The following CNTNAP5 variants were observed in gnomAD, a reference collection of about 807,000 sequenced individuals.
CNTNAP5 encodes the protein contactin associated protein family member 5.
In CNTNAP5, 72 loss-of-function variants were observed where a neutral mutation model predicts 150.2. The ratio of observed to expected loss-of-function variants is 0.48; its 90% confidence interval spans 0.40 to 0.58. CNTNAP5 has a LOEUF of 0.58. CNTNAP5 is among the 20% of genes least tolerant of loss of function. The pLI, the probability that CNTNAP5 is intolerant of heterozygous loss-of-function variation, is 0.00. For synonymous variants in CNTNAP5, 672 were observed against 619.8 expected (o/e 1.08, Z -1.25); for missense variants, 1,636 against 1,626.2 (o/e 1.01, Z -0.10).
rs190103941 is a variant in CNTNAP5 at position 124,562,205 on chromosome 2, T to C, written c.1650-1012T>C. ...TCCCATTAGCCCAAGTCTAAAGATT[T>C]TTCCTTTCAACTATTTTTGAAGTTT... On this transcript the variant is annotated intron_variant, in intron 10 of 23. Coordinates refer to ENST00000682447, the MANE Select transcript of CNTNAP5 (RefSeq NM_001367498.1). Among the ~76,000 whole-genome samples, 467 of 152,372 alleles carry C rather than the reference T, an allele frequency of 3.1e-3. 2 individuals are homozygous for C. Among genetic ancestry groups the C allele is most frequent in the African/African-American group, 0.011 (449 of 41,596 alleles).
chr2:124,726,816 T>A (rs980507182), intron 13 of CNTNAP5, among the ~76,000 whole-genome samples: 5 of 152,068 alleles, frequency 3.3e-5, no homozygotes, highest in African/African-American at 1.2e-4. Context: ...TGATTTTTTT[T>A]AATTTAAGCA....
intron 1 of CNTNAP5, among the ~76,000 whole-genome samples, chr2:124,109,344 C>T (rs76001311): frequency 6.6e-6 from 1 of 152,058 alleles, no homozygotes; most frequent in Admixed American, 6.6e-5. Context: ...ATCCTGTACT[C>T]GAGGCGAGGC....
rs994347252 is a variant in CNTNAP5, at chr2:124,623,245, G to A, written c.1876+13325G>A. Among the ~76,000 whole-genome samples, 4 of 152,126 alleles carry A rather than the reference G, an allele frequency of 2.6e-5. No homozygotes were observed. In the South Asian group the frequency reaches 8.3e-4, roughly 31 times the overall value. On this transcript the variant is annotated intron_variant, in intron 12 of 23. Transcript: ENST00000682447. The stretch of plus-strand genomic sequence containing the variant: ...TGTCCTTGTGGGAAAAAATGCCCAT[G>A]TCTTCAGCTTTCCCCATCGTGATTC...
chr2:124,395,532 A>C (rs116443906), intron 3 of CNTNAP5, among the ~76,000 whole-genome samples: 1 of 152,008 alleles, frequency 6.6e-6, no homozygotes, highest in Non-Finnish European at 1.5e-5. Context: ...TATTTAATAA[A>C]GGAGTCAGTA....
At chr2:124,904,222 A>G (rs1174405706) in intron 22 of CNTNAP5, among the ~76,000 whole-genome samples, 2 of 152,034 alleles carry the variant, frequency 1.3e-5, no homozygotes, top group Non-Finnish European at 2.9e-5. Context: ...AAGTTATATC[A>G]TATAGTATTT....
rs1454140 is a variant in CNTNAP5 at position 124,682,724 on chromosome 2, G to C, written c.2077+34766G>C. Among the ~76,000 whole-genome samples the C allele has an allele frequency of 8.8e-3, 1,339 of 152,254 alleles. 41 individuals are homozygous for C. The South Asian group carries it at 0.12, about 14-fold the overall frequency. ...GCCTGTATTTATGTTGTTTTAGAGA[G>C]AGAGAGAATCTACCAGGTTCCTCAA... On this transcript the variant is annotated intron_variant, in intron 13 of 23. Transcript: ENST00000682447.
chr2:124,213,453 T>A (rs773377668), intron 1 of CNTNAP5, among the ~76,000 whole-genome samples: 7 of 152,282 alleles, frequency 4.6e-5, no homozygotes, highest in African/African-American at 1.7e-4. Flanking sequence ...AGGATAGAAC[T>A]TGTGTCTTTC....
chr2:124,620,013 C>G (rs1677578831), intron 12 of CNTNAP5, among the ~76,000 whole-genome samples: 1 of 150,494 alleles, frequency 6.6e-6, no homozygotes, highest in Admixed American at 6.7e-5. Flanking sequence ...ATTTGGGTGT[C>G]TCAAGATGGG....
At chr2:124,238,553 T>G (rs1436745988) in intron 2 of CNTNAP5, among the ~76,000 whole-genome samples, 2 of 152,222 alleles carry the variant, frequency 1.3e-5, no homozygotes, top group Non-Finnish European at 2.9e-5. Flanking sequence ...TGAGATTATT[T>G]TCTCTTTAAA....
intron 3 of CNTNAP5, among the ~76,000 whole-genome samples, chr2:124,244,317 G>A (rs967640318): frequency 2.0e-5 from 3 of 152,048 alleles, no homozygotes; most frequent in Admixed American, 6.6e-5. Flanking sequence ...CCCTGTGCCC[G>A]GTATCACTAG....
At chr2:124,517,070 G>A (rs1694735465) in intron 8 of CNTNAP5, among the ~76,000 whole-genome samples, 1 of 152,118 alleles carries the variant, frequency 6.6e-6, no homozygotes, top group Non-Finnish European at 1.5e-5. Context: ...TGATAGGGTT[G>A]TGCTGTTGGT....
chr2:124,415,483 C>CAAGGTT (rs1210004454), intron 3 of CNTNAP5, among the ~76,000 whole-genome samples: 1 of 152,118 alleles, frequency 6.6e-6, no homozygotes, highest in Non-Finnish European at 1.5e-5. Context: ...AAAATATAAT[C>CAAGGTT]AAGGTTAAGG....
chr2:124,809,666 G>A (rs1178316363), intron 19 of CNTNAP5, among the ~76,000 whole-genome samples: 1 of 151,984 alleles, frequency 6.6e-6, no homozygotes, highest in East Asian at 1.9e-4. Context: ...AGAAAGATGG[G>A]AGATAAAATC....
intron 1 of CNTNAP5, among the ~76,000 whole-genome samples, chr2:124,087,173 C>T (rs767362325): frequency 5.9e-5 from 9 of 151,786 alleles, no homozygotes; most frequent in South Asian, 2.1e-4. Flanking sequence ...GCACATTATA[C>T]GACATTACAA....
intron 13 of CNTNAP5, among the ~76,000 whole-genome samples, chr2:124,650,187 C>A (rs1364550345): frequency 6.6e-6 from 1 of 152,174 alleles, no homozygotes; most frequent in Non-Finnish European, 1.5e-5. Flanking sequence ...TAAAGGAGAA[C>A]AATGGGTATG....
chr2:124,282,261 C>G (rs1259385856), intron 3 of CNTNAP5, among the ~76,000 whole-genome samples: 1 of 152,118 alleles, frequency 6.6e-6, no homozygotes. Context: ...TACAACAAAC[C>G]TCGGTATACT....
intron 11 of CNTNAP5, among the ~76,000 whole-genome samples, chr2:124,579,965 C>G (rs1304249322): frequency 6.6e-6 from 1 of 152,242 alleles, no homozygotes; most frequent in East Asian, 1.9e-4. Context: ...GTGACATAAT[C>G]AAACTAAGAC....
chr2:124,877,464 C>T (rs1677882633), intron 21 of CNTNAP5, among the ~76,000 whole-genome samples: 1 of 152,074 alleles, frequency 6.6e-6, no homozygotes, highest in Admixed American at 6.6e-5. Flanking sequence ...CACATCTTTG[C>T]CTGACTGTGA....
intron 19 of CNTNAP5, among the ~76,000 whole-genome samples, chr2:124,800,524 G>C (rs890036622): frequency 6.6e-6 from 1 of 152,190 alleles, no homozygotes; most frequent in Non-Finnish European, 1.5e-5. Context: ...AAGAAGCAGA[G>C]CTGGATTCAC....
Sources: gnomAD v4.1 joint callset for allele counts (sites outside exome capture counted in the v4.1 genomes callset) on GRCh38, gnomAD v4.1.1 for gene constraint, MANE v1.5 for transcripts, NCBI Gene and HGNC (gene_info 2026-07-23, HGNC 2026-07-21) for gene names.